INSR: variants seen among roughly 807,000 people sequenced by gnomAD.
INSR encodes the protein IR.
Under a neutral mutation model 142.6 loss-of-function variants are expected in INSR, and 67 were observed. The observed-to-expected ratio is 0.47, with a 90% CI of 0.39 to 0.58. INSR has a LOEUF of 0.58. INSR is among the 20% of genes least tolerant of loss of function. The pLI, the probability that INSR is intolerant of heterozygous loss-of-function variation, is 0.00. For synonymous variants in INSR, 756 were observed against 743.1 expected (o/e 1.02, Z -0.28); for missense variants, 1,248 against 1,833.2 (o/e 0.68, Z 5.83).
intron 2 of INSR, among the ~76,000 whole-genome samples, chr19:7,234,253 C>T (rs1187206171): frequency 6.6e-6 from 1 of 151,998 alleles, no homozygotes; most frequent in African/African-American, 2.4e-5. Context: ...GTTGCCCAGG[C>T]TGGAGTGTAG....
chr19:7,196,925 T>C (rs1311482209), intron 2 of INSR, among the ~76,000 whole-genome samples: 1 of 152,162 alleles, frequency 6.6e-6, no homozygotes, highest in Non-Finnish European at 1.5e-5. Context: ...TTTTATAAAC[T>C]CCTTAAAGTA....
At chr19:7,243,008 C>T (rs1976406468) in intron 2 of INSR, among the ~76,000 whole-genome samples, 1 of 151,916 alleles carries the variant, frequency 6.6e-6, no homozygotes, top group African/African-American at 2.4e-5. Flanking sequence ...AAACCCCATC[C>T]CCCCAACACA....
chr19:7,181,709 A>T (rs1433088269), intron 3 of INSR, among the ~76,000 whole-genome samples: 1 of 151,998 alleles, frequency 6.6e-6, no homozygotes, highest in Non-Finnish European at 1.5e-5. Context: ...AGCTGGGATA[A>T]CAGGTATGCA....
chr19:7,273,664 G>T lies in INSR; in HGVS notation c.101-5768C>A, dbSNP rs111649359. Among the ~76,000 whole-genome samples, 539 of 151,734 alleles carry T rather than the reference G, an allele frequency of 3.6e-3. 6 individuals carry two copies. Among genetic ancestry groups the T allele is most frequent in the Non-Finnish European group, 3.9e-3 (262 of 67,902 alleles). ...CTCCCGAGTAGCTGGGATTACAGGC[G>T]TGTGCCACCACACCTGGCTAATTTT... is the stretch of plus-strand genomic sequence containing the variant. On this transcript the variant is annotated intron_variant, in intron 1 of 21. Coordinates refer to ENST00000302850, the MANE Select transcript of INSR (RefSeq NM_000208.4).
intron 9 of INSR, among the ~76,000 whole-genome samples, chr19:7,158,479 T>G (rs181092673): frequency 6.6e-6 from 1 of 151,836 alleles, no homozygotes; most frequent in Admixed American, 6.6e-5. Flanking sequence ...CCAGCCTGGG[T>G]GACAGAGCGA....
intron 8 of INSR, among the ~76,000 whole-genome samples, chr19:7,164,000 G>A (rs573141924): frequency 6.9e-6 from 1 of 145,370 alleles, no homozygotes; most frequent in African/African-American, 2.6e-5. Flanking sequence ...CTGGGAGGCT[G>A]AGGCAGGAGA....
At chr19:7,158,440 G>C (rs112898170) in intron 9 of INSR, among the ~76,000 whole-genome samples, 8 of 152,174 alleles carry the variant, frequency 5.3e-5, no homozygotes, top group Admixed American at 1.3e-4. Context: ...GGCGGAGCTT[G>C]CAGTGAGCCG....
At chr19:7,274,458 T>G (rs1968007250) in intron 1 of INSR, among the ~76,000 whole-genome samples, 1 of 151,288 alleles carries the variant, frequency 6.6e-6, no homozygotes, top group African/African-American at 2.4e-5. Context: ...GGTGTGTGCT[T>G]TACCCTGGCA....
At chr19:7,219,598 G>A (rs1185462782) in intron 2 of INSR, among the ~76,000 whole-genome samples, 1 of 125,166 alleles carries the variant, frequency 8.0e-6, no homozygotes, top group African/African-American at 3.1e-5. Context: ...AGAGAGAGAA[G>A]GAAGGAAGGG....
chr19:7,193,950 C>G (rs1310133248), intron 2 of INSR, among the ~76,000 whole-genome samples: 1 of 100,734 alleles, frequency 9.9e-6, no homozygotes, highest in Non-Finnish European at 2.0e-5. Flanking sequence ...GATCCGCTCT[C>G]CCCGAGCTCC....
chr19:7,269,038 C>CCACACACACACACACA (rs141333611), intron 1 of INSR, among the ~76,000 whole-genome samples: 5 of 146,852 alleles, frequency 3.4e-5, no homozygotes, highest in East Asian at 2.0e-4. Context: ...ACCCACACAC[C>CCACACACACACACACA]CACACACACA....
At chr19:7,248,664 T>C (rs1976607895) in intron 2 of INSR, among the ~76,000 whole-genome samples, 1 of 151,286 alleles carries the variant, frequency 6.6e-6, no homozygotes, top group South Asian at 2.1e-4. Flanking sequence ...TAAAATACAG[T>C]AGACAACCCA....
intron 2 of INSR, among the ~76,000 whole-genome samples, chr19:7,199,045 G>C (rs1156879777): frequency 6.6e-6 from 1 of 151,934 alleles, no homozygotes; most frequent in Non-Finnish European, 1.5e-5. Flanking sequence ...CACTATGCCT[G>C]GCTAATTTTT....
chr19:7,272,157 T>A (rs1304674562), intron 1 of INSR, among the ~76,000 whole-genome samples: 1 of 151,920 alleles, frequency 6.6e-6, no homozygotes, highest in African/African-American at 2.4e-5. Flanking sequence ...ACAAAAAAAA[T>A]TAGCTGGGCA....
At chr19:7,120,820 C>T in intron 19 of INSR, 71 bp from the exon 20 acceptor site, 1 of 1,585,948 alleles carries the variant, frequency 6.3e-7, no homozygotes, top group Non-Finnish European at 8.6e-7. Flanking sequence ...CTTGACTGCC[C>T]CACCTCTCAC....
At chr19:7,261,443 T>C (rs901946325) in intron 2 of INSR, among the ~76,000 whole-genome samples, 3 of 152,148 alleles carry the variant, frequency 2.0e-5, no homozygotes, top group Non-Finnish European at 4.4e-5. Context: ...CCCAAATCCA[T>C]TGCAGGATAA....
At chr19:7,290,867 C>G (rs557105738) in intron 1 of INSR, among the ~76,000 whole-genome samples, 3 of 151,320 alleles carry the variant, frequency 2.0e-5, no homozygotes, top group Non-Finnish European at 4.4e-5. Context: ...ATCAGGAGGT[C>G]GAGACCATCC....
chr19:7,127,952 C>T (rs1172020462), intron 15 of INSR, among the ~76,000 whole-genome samples: 2 of 151,944 alleles, frequency 1.3e-5, no homozygotes, highest in Non-Finnish European at 2.9e-5. Context: ...CCATGTTGGT[C>T]AGGCTGGTCT....
At chr19:7,164,777 G>C (rs145087568) in intron 8 of INSR, among the ~76,000 whole-genome samples, 1 of 138,214 alleles carries the variant, frequency 7.2e-6, no homozygotes, top group Non-Finnish European at 1.5e-5. Flanking sequence ...AGTGAGCTGA[G>C]ATAGGGCCAT....
Sources: allele counts gnomAD v4.1 joint callset (sites outside exome capture counted in the v4.1 genomes callset), GRCh38; gene constraint gnomAD v4.1.1; transcripts MANE v1.5; gene names NCBI Gene and HGNC (gene_info 2026-07-23, HGNC 2026-07-21).